Variants in FAM229B observed in about 807,000 individuals in gnomAD.
FAM229B encodes the protein protein FAM229B.
Under a neutral mutation model 6.7 loss-of-function variants are expected in FAM229B, and 2 were observed. That is an observed-to-expected ratio of 0.30 (90% confidence interval 0.12 to 0.94). FAM229B has a LOEUF of 0.94. Among genes scored for constraint, FAM229B ranks in the 40% least tolerant of loss-of-function variants. The pLI is 0.54. For synonymous variants in FAM229B, 29 were observed against 34.0 expected, an observed-to-expected ratio of 0.85 and a Z score of 0.51; for missense variants, 93 against 96.2, an observed-to-expected ratio of 0.97 and a Z score of 0.14.
intron 1 of FAM229B, among the ~76,000 whole-genome samples, chr6:112,093,770 T>C (rs1467146102): frequency 6.6e-6 from 1 of 152,040 alleles, no homozygotes; most frequent in Non-Finnish European, 1.5e-5. Context: ...TATAGCAGCA[T>C]ATACATTCAA....
At chr6:112,094,560 A>G (rs1480004430) in intron 1 of FAM229B, among the ~76,000 whole-genome samples, 1 of 151,824 alleles carries the variant, frequency 6.6e-6, no homozygotes, top group Non-Finnish European at 1.5e-5. Flanking sequence ...TTAGATTTAG[A>G]TTAAATATCC....
chr6:112,100,525 A>T, intron 3 of FAM229B, 145 bp from the exon 4 acceptor site: 1 of 582,952 alleles, frequency 1.7e-6, no homozygotes, highest in South Asian at 2.2e-5. Context: ...CCTCGTCAGC[A>T]TCACCATGTT....
In FAM229B at chr6:112,099,304, C is replaced by A. The variant is rs781890060; in HGVS notation, c.21C>A (p.Thr7=). The part of the protein sequence containing the change: MPFQFG[T]QPRRFPVEGG... ...GAAGTATGCCTTTTCAATTTGGAAC[C>A]CAGCCAAGGAGGTTTCCAGTGGAAG... The change falls in exon 3 of 4, where the codon ACC becomes ACA. Residue 7 remains threonine (T), a synonymous_variant. Coordinates refer to ENST00000368656, the MANE Select transcript of FAM229B (RefSeq NM_001033564.3). 2.5e-6 allele frequency: 4 copies of A among 1,613,532 alleles called. No homozygotes were observed. The East Asian group carries it at 8.9e-5, about 36-fold the overall frequency.
intron 1 of FAM229B, among the ~76,000 whole-genome samples, chr6:112,095,362 G>A (rs1777307819): frequency 6.6e-6 from 1 of 152,000 alleles, no homozygotes; most frequent in African/African-American, 2.4e-5. Context: ...TGGGCACAGT[G>A]GGCTCATGCC....
chr6:112,091,953 T>G (rs1261046810), intron 1 of FAM229B, among the ~76,000 whole-genome samples: 1 of 151,978 alleles, frequency 6.6e-6, no homozygotes, highest in Admixed American at 6.5e-5. Flanking sequence ...ATGGATGGAA[T>G]AAAGAGCAGA....
chr6:112,097,899 A>G (rs1016026126), intron 2 of FAM229B, among the ~76,000 whole-genome samples: 1 of 152,362 alleles, frequency 6.6e-6, no homozygotes, highest in East Asian at 1.9e-4. Flanking sequence ...AACATTTACA[A>G]AAAATGAGGG....
chr6:112,092,171 A>G (rs782304763), intron 1 of FAM229B, among the ~76,000 whole-genome samples: 16 of 152,152 alleles, frequency 1.1e-4, no homozygotes, highest in Non-Finnish European at 2.2e-4. Context: ...AAAAATTTCA[A>G]ATGTGATAAG....
chr6:112,096,295 G>A (rs373556509), intron 1 of FAM229B, among the ~76,000 whole-genome samples: 2 of 152,282 alleles, frequency 1.3e-5, no homozygotes, highest in South Asian at 2.1e-4. Context: ...GGTGGCTCAC[G>A]CCTGTAATCC....
At chr6:112,092,704 G>A (rs1415275622) in intron 1 of FAM229B, among the ~76,000 whole-genome samples, 1 of 151,996 alleles carries the variant, frequency 6.6e-6, no homozygotes, top group Non-Finnish European at 1.5e-5. Context: ...CATGCATGGG[G>A]TTTGTACTAT....
intron 1 of FAM229B, among the ~76,000 whole-genome samples, chr6:112,088,272 A>T (rs1267987051): frequency 6.6e-6 from 1 of 152,226 alleles, no homozygotes; most frequent in Non-Finnish European, 1.5e-5. Flanking sequence ...GGGTATTTAG[A>T]TGGGATAGGC....
At chr6:112,094,023 A>G (rs1023506125) in intron 1 of FAM229B, among the ~76,000 whole-genome samples, 5 of 152,128 alleles carry the variant, frequency 3.3e-5, no homozygotes, top group Non-Finnish European at 5.9e-5. Context: ...ATGAAAATAC[A>G]AAATTAAAAA....
Position 112,099,327 on chromosome 6 carries a change from AAGG to A in FAM229B, c.50_52del (p.Gly17del), listed in dbSNP as rs1583607941. 1 of 1,613,902 alleles carries A rather than the reference AAGG, an allele frequency of 6.2e-7. No homozygotes were observed. The highest frequency in any genetic ancestry group is 2.2e-5 in the East Asian group (1 of 44,870). On this transcript the variant is annotated inframe_deletion, in exon 3 of 4. Coordinates refer to ENST00000368656, the MANE Select transcript of FAM229B (RefSeq NM_001033564.3). ...ACCCAGCCAAGGAGGTTTCCAGTGGAAGGAGGAGATTCTTCAATTGAGCTGGAA... is the reference window on the plus strand; with the variant it reads ...ACCCAGCCAAGGAGGTTTCCAGTGGAAGGAGATTCTTCAATTGAGCTGGAA...
intron 1 of FAM229B, among the ~76,000 whole-genome samples, chr6:112,095,635 C>CAAAAAAAAAAAAAAAAAAAAAAAAACAAA (rs1777312011): frequency 2.9e-4 from 14 of 48,780 alleles, no homozygotes; most frequent in Admixed American, 7.7e-4. Flanking sequence ...GACCCTGTCT[C>CAAAAAAAAAAAAAAAAAAAAAAAAACAAA]AAAAAAAAAA....
At chr6:112,094,592 G>A (rs1777298719) in intron 1 of FAM229B, among the ~76,000 whole-genome samples, 1 of 151,804 alleles carries the variant, frequency 6.6e-6, no homozygotes, top group East Asian at 1.9e-4. Flanking sequence ...AAATCCTATC[G>A]TAACCTACAA....
At chr6:112,098,349 G>T (rs1554318885) in intron 2 of FAM229B, among the ~76,000 whole-genome samples, 1 of 152,114 alleles carries the variant, frequency 6.6e-6, no homozygotes, top group African/African-American at 2.4e-5. Flanking sequence ...ATGTGTTTGT[G>T]TGTGTATTTC....
chr6:112,093,961 A>G (rs1035671079), intron 1 of FAM229B, among the ~76,000 whole-genome samples: 1 of 152,114 alleles, frequency 6.6e-6, no homozygotes, highest in Non-Finnish European at 1.5e-5. Flanking sequence ...ATATAATTGT[A>G]AATAACCCAT....
intron 2 of FAM229B, 50 bp downstream of exon 2, chr6:112,097,251 A>T (rs1777338474): frequency 6.6e-6 from 1 of 152,234 alleles, no homozygotes; most frequent in African/African-American, 2.4e-5. Flanking sequence ...ATACCTGCAT[A>T]GATAGGTAGT....
At chr6:112,096,232 G>A (rs587649769) in intron 1 of FAM229B, among the ~76,000 whole-genome samples, 215 of 152,260 alleles carry the variant, frequency 1.4e-3, no homozygotes, top group African/African-American at 4.9e-3. Flanking sequence ...CAGGGCTCAG[G>A]GAACAGAATA....
chr6:112,092,210 C>T (rs587623982), intron 1 of FAM229B, among the ~76,000 whole-genome samples: 6 of 152,072 alleles, frequency 3.9e-5, no homozygotes, highest in South Asian at 4.2e-4. Context: ...CCAAGAAGCT[C>T]GGTGAACCTT....
Sources: gnomAD v4.1 joint callset for allele counts (sites outside exome capture counted in the v4.1 genomes callset) on GRCh38, gnomAD v4.1.1 for gene constraint, MANE v1.5 for transcripts, NCBI Gene and HGNC (gene_info 2026-07-23, HGNC 2026-07-21) for gene names.